GDI2: variants seen among roughly 807,000 people sequenced by gnomAD.
GDI2 encodes rab GDP dissociation inhibitor beta.
Under a neutral mutation model 54.2 loss-of-function variants are expected in GDI2, and 22 were observed. The ratio of observed to expected loss-of-function variants is 0.41; its 90% CI spans 0.29 to 0.58. GDI2 has a LOEUF of 0.58. Among genes scored for constraint, GDI2 ranks in the 20% least tolerant of loss-of-function variants. The pLI is 0.35. For missense variants in GDI2, 422 were observed against 546.0 expected, an observed-to-expected ratio of 0.77 and a Z score of 2.26; for synonymous variants, 177 against 182.1, an observed-to-expected ratio of 0.97 and a Z score of 0.23.
chr10:5,804,457 C>T (rs1010900086), intron 1 of GDI2, among the ~76,000 whole-genome samples: 9 of 152,078 alleles, frequency 5.9e-5, no homozygotes, highest in South Asian at 2.1e-4. Context: ...GCCCTCATGC[C>T]GTATTCCAAT....
Position 5,768,572 on chromosome 10 carries a change from G to A in GDI2, c.820-188C>T, listed in dbSNP as rs1464697502. The A allele has an allele frequency of 1.7e-6, 1 of 574,082 alleles. No individual in the cohort carries two copies. Among genetic ancestry groups the A allele is most frequent in the Non-Finnish European group, 3.1e-6 (1 of 323,252 alleles). The allele number at this position is 574,082 out of a possible 1,614,324, so 35.6% of individuals were successfully genotyped here. ...TTAAAAGAAGAACAGCAAAGCTGGA[G>A]GACTCACTCACTAAAAAGCTACAGT... On this transcript the variant is annotated intron_variant, in intron 7 of 10. Transcript: ENST00000380191. The surrounding 1 kb of genome is among the most constrained non-coding windows in gnomAD (Gnocchi z 4.4).
chr10:5,804,110 T>A (rs1278912760), intron 1 of GDI2, among the ~76,000 whole-genome samples: 1 of 151,992 alleles, frequency 6.6e-6, no homozygotes, highest in Non-Finnish European at 1.5e-5. Context: ...TTTTTTTTAT[T>A]GAGATAGGAG....
intron 7 of GDI2, among the ~76,000 whole-genome samples, chr10:5,770,376 C>T (rs867031615): frequency 2.6e-5 from 4 of 152,006 alleles, no homozygotes; most frequent in Admixed American, 1.3e-4. Context: ...GCCTGGCCAA[C>T]ATGGGGAAAC....
intron 1 of GDI2, among the ~76,000 whole-genome samples, chr10:5,811,528 C>G (rs1841479417): frequency 6.6e-6 from 1 of 151,998 alleles, no homozygotes; most frequent in South Asian, 2.1e-4. Flanking sequence ...TCTGAAAGAC[C>G]AGCAACAACC....
intron 1 of GDI2, among the ~76,000 whole-genome samples, chr10:5,807,297 A>G (rs1457239691): frequency 9.9e-5 from 15 of 152,254 alleles, no homozygotes; most frequent in Non-Finnish European, 1.3e-4. Flanking sequence ...ATTAAATTCT[A>G]CTACAACCTA....
At chr10:5,787,507 C>CA (rs111933377) in intron 4 of GDI2, among the ~76,000 whole-genome samples, 1,896 of 129,650 alleles carry the variant, frequency 0.015, 26 homozygotes, top group African/African-American at 0.04. Flanking sequence ...GACTCCGTCT[C>CA]AAAAAAAAAA....
intron 7 of GDI2, among the ~76,000 whole-genome samples, chr10:5,770,585 T>C (rs1234580062): frequency 3.3e-5 from 5 of 150,200 alleles, no homozygotes; most frequent in African/African-American, 1.2e-4. Flanking sequence ...AGGAAAAGTG[T>C]TATGGAGATG....
intron 2 of GDI2, among the ~76,000 whole-genome samples, chr10:5,797,239 C>T (rs1312961368): frequency 1.3e-5 from 2 of 151,526 alleles, no homozygotes; most frequent in African/African-American, 2.4e-5. Context: ...AGTGAAACCC[C>T]GTCTCTACTA....
At chr10:5,778,877 T>A (rs1175264308) in intron 6 of GDI2, among the ~76,000 whole-genome samples, 1 of 151,514 alleles carries the variant, frequency 6.6e-6, no homozygotes, top group African/African-American at 2.4e-5. Flanking sequence ...AATAAAAAAA[T>A]GTAACTGCCT....
intron 1 of GDI2, among the ~76,000 whole-genome samples, chr10:5,804,209 T>C (rs1482752414): frequency 6.6e-6 from 1 of 152,082 alleles, no homozygotes; most frequent in East Asian, 1.9e-4. Flanking sequence ...TTCTCCTGCC[T>C]CAGCCTCCTA....
intron 4 of GDI2, among the ~76,000 whole-genome samples, chr10:5,787,157 A>G (rs1840897940): frequency 6.6e-6 from 1 of 152,262 alleles, no homozygotes; most frequent in Non-Finnish European, 1.5e-5. Context: ...ATGTTTTGAT[A>G]GATTTAATAT....
chr10:5,782,023 T>G (rs1278301455), intron 6 of GDI2, among the ~76,000 whole-genome samples: 1 of 151,952 alleles, frequency 6.6e-6, no homozygotes, highest in Non-Finnish European at 1.5e-5. Flanking sequence ...AAAAAAAAAG[T>G]TAACACTTAT....
intron 1 of GDI2, among the ~76,000 whole-genome samples, chr10:5,809,910 C>T (rs1043299868): frequency 6.6e-6 from 1 of 152,188 alleles, no homozygotes; most frequent in African/African-American, 2.4e-5. Flanking sequence ...GGCCAGGATG[C>T]TTAACGCTGG....
chr10:5,799,362 A>C (rs896473081), intron 2 of GDI2, among the ~76,000 whole-genome samples: 1 of 152,168 alleles, frequency 6.6e-6, no homozygotes, highest in African/African-American at 2.4e-5. Flanking sequence ...AACAACAAAG[A>C]ATAAAGCGCT....
In GDI2 at chr10:5,779,498, G is replaced by GA. The variant is rs1399634180; in HGVS notation, c.720-5558dup. Among the ~76,000 whole-genome samples the GA allele has an allele frequency of 2.2e-3, 288 of 133,088 alleles. 2 individuals carry two copies. The highest frequency in any genetic ancestry group is 0.013 in the Admixed American group (170 of 13,014). The allele number at this position is 133,088 out of a possible 152,430, so 87.3% of individuals were successfully genotyped here. On this transcript the variant is annotated intron_variant, in intron 6 of 10. Transcript: ENST00000380191. ...ACTTCAGCCTGGGTGACTCCGTCTCGAAAAAAAAAAAATAAGAAAAAATAA... is the reference window on the plus strand; with the variant it reads ...ACTTCAGCCTGGGTGACTCCGTCTCGAAAAAAAAAAAAATAAGAAAAAATAA...
intron 6 of GDI2, among the ~76,000 whole-genome samples, chr10:5,782,419 A>C (rs1840779793): frequency 6.6e-6 from 1 of 152,242 alleles, no homozygotes; most frequent in Non-Finnish European, 1.5e-5. Flanking sequence ...ACAGTTTCTT[A>C]TGAATTCAGA....
intron 6 of GDI2, among the ~76,000 whole-genome samples, chr10:5,782,346 C>T (rs538942834): frequency 3.3e-4 from 51 of 152,294 alleles, no homozygotes; most frequent in Admixed American, 2.0e-3. Flanking sequence ...TGTGGAGCAA[C>T]GAGAACTCTC....
rs889328158 is a variant in GDI2 at position 5,776,608 on chromosome 10, A to T, written c.720-2667T>A. 4.3e-5 allele frequency: 66 copies of T among 1,527,250 alleles called. No individual in the cohort carries two copies. The highest frequency in any genetic ancestry group is 5.8e-5 in the Non-Finnish European group (64 of 1,104,310). The allele number at this position is 1,527,250 out of a possible 1,614,324, so 94.6% of individuals were successfully genotyped here. On this transcript the variant is annotated intron_variant, in intron 6 of 10. Transcript: ENST00000380191. The surrounding 1 kb of genome is among the most constrained non-coding windows in gnomAD (Gnocchi z 5.3). ...AAGAAAATAAACAACTCAAGGCTGA[A>T]AAGGGCAGACTTCTAAATGGTCCAA...
At chr10:5,800,517 A>G (rs1841246288) in intron 2 of GDI2, 81 bp downstream of exon 2, 1 of 774,898 alleles carries the variant, frequency 1.3e-6, no homozygotes, top group Non-Finnish European at 2.3e-6. Flanking sequence ...AATTAAGACC[A>G]TCTCTAAGGA....
Sources: gnomAD v4.1 joint callset for allele counts (sites outside exome capture counted in the v4.1 genomes callset) on GRCh38, gnomAD v4.1.1 for gene constraint, Gnocchi (gnomAD v3.1) non-coding constraint, MANE v1.5 for transcripts, NCBI Gene and HGNC (gene_info 2026-07-23, HGNC 2026-07-21) for gene names.